Variants in HSD17B12 observed in about 807,000 individuals in gnomAD.
HSD17B12 encodes the protein very-long-chain 3-oxoacyl-CoA reductase.
In HSD17B12, 32 loss-of-function variants were observed where a neutral mutation model predicts 39.3. The ratio of observed to expected loss-of-function variants is 0.81; its 90% CI spans 0.61 to 1.09. The LOEUF (loss-of-function observed/expected upper bound fraction) is 1.09, where lower values mean the gene tolerates loss of function less well. Ranked by LOEUF, HSD17B12 falls within the 50% of genes least tolerant of loss-of-function variation. The probability of loss-of-function intolerance (pLI) is 0.00; values close to 1 mark genes in which losing one functional copy is unlikely to be tolerated. For synonymous variants in HSD17B12, 150 were observed against 146.7 expected (o/e 1.02, Z -0.16); for missense variants, 342 against 382.9 (o/e 0.89, Z 0.89).
chr11:43,616,441 A>G, the HSD17B12 span, among the ~76,000 whole-genome samples: 4 of 151,108 alleles, frequency 2.6e-5, no homozygotes, highest in Non-Finnish European at 4.4e-5. Flanking sequence ...AAAAACAAAC[A>G]AACTATATTC....
intron 1 of HSD17B12, among the ~76,000 whole-genome samples, chr11:43,706,191 GTTTATC>G (rs150057085): frequency 0.053 from 8,125 of 152,090 alleles, 276 homozygotes; most frequent in Non-Finnish European, 0.079. Flanking sequence ...GACAGAGATT[GTTTATC>G]TTTAATAGCA....
chr11:43,575,224 T>C, the HSD17B12 span, among the ~76,000 whole-genome samples: 1 of 152,258 alleles, frequency 6.6e-6, no homozygotes, highest in Non-Finnish European at 1.5e-5. The surrounding 1 kb of genome is among the most constrained non-coding windows in gnomAD (Gnocchi z 4.1). Context: ...GCTGTATAAC[T>C]GGCTGATTCC....
intron 1 of HSD17B12, among the ~76,000 whole-genome samples, chr11:43,720,600 T>G (rs1222547796): frequency 1.3e-5 from 2 of 152,160 alleles, no homozygotes; most frequent in Non-Finnish European, 2.9e-5. Flanking sequence ...CTTAAGCAAG[T>G]CAATCAAAGC....
intron 1 of HSD17B12, among the ~76,000 whole-genome samples, chr11:43,739,151 C>CTTT (rs1418357698): frequency 6.6e-6 from 1 of 152,146 alleles, no homozygotes; most frequent in African/African-American, 2.4e-5. Flanking sequence ...ACCCTAAGGG[C>CTTT]TTTTCCCCCT....
At chr11:43,592,700 G>A in the HSD17B12 span, among the ~76,000 whole-genome samples, 1 of 152,132 alleles carries the variant, frequency 6.6e-6, no homozygotes, top group African/African-American at 2.4e-5. Flanking sequence ...GAATACACGG[G>A]TCTTTTTCCA....
Position 43,838,412 on chromosome 11 carries a change from T to A in HSD17B12, c.618+14T>A, listed in dbSNP as rs755003842. 1.9e-6 allele frequency: 3 copies of A among 1,581,390 alleles called. No homozygotes were observed. Among genetic ancestry groups the A allele is most frequent in the Non-Finnish European group, 2.6e-6 (3 of 1,150,594 alleles). ...TCTGCAACCAAGGTAAAAAATATTT[T>A]CTTAAATCATGTCAATATAGTAATA... On this transcript the variant is annotated intron_variant, in intron 8 of 10. Coordinates refer to ENST00000278353, the MANE Select transcript of HSD17B12 (RefSeq NM_016142.3).
the HSD17B12 span, among the ~76,000 whole-genome samples, chr11:43,638,538 CTTATT>C: frequency 2.0e-5 from 3 of 152,054 alleles, no homozygotes; most frequent in South Asian, 2.1e-4. Context: ...AAAGAAAACT[CTTATT>C]TTATTATTTC....
At chr11:43,634,774 G>A in the HSD17B12 span, among the ~76,000 whole-genome samples, 1 of 152,192 alleles carries the variant, frequency 6.6e-6, no homozygotes, top group East Asian at 1.9e-4. Context: ...GCAGTTCAGC[G>A]AGGATATTAA....
the HSD17B12 span, among the ~76,000 whole-genome samples, chr11:43,675,055 CA>C: frequency 6.6e-6 from 1 of 152,160 alleles, no homozygotes. Flanking sequence ...GTATTTATTG[CA>C]TACCAAGTGT....
At chr11:43,658,768 G>A in the HSD17B12 span, among the ~76,000 whole-genome samples, 3 of 152,282 alleles carry the variant, frequency 2.0e-5, no homozygotes, top group South Asian at 2.1e-4. Context: ...TGTCTCAGAC[G>A]AGTACCCGGC....
chr11:43,641,228 TG>T, the HSD17B12 span, among the ~76,000 whole-genome samples: 1 of 24,444 alleles, frequency 4.1e-5, no homozygotes, highest in African/African-American at 5.5e-5. Flanking sequence ...ATTAATTTGT[TG>T]GGGAAAAAAT....
At chr11:43,770,481 G>A (rs775220908) in intron 3 of HSD17B12, among the ~76,000 whole-genome samples, 5 of 152,302 alleles carry the variant, frequency 3.3e-5, no homozygotes, top group African/African-American at 4.8e-5. Context: ...TAATTCCAGC[G>A]CTTGAGAAGG....
the HSD17B12 span, among the ~76,000 whole-genome samples, chr11:43,588,824 G>C: frequency 6.6e-6 from 1 of 151,606 alleles, no homozygotes; most frequent in Non-Finnish European, 1.5e-5. Flanking sequence ...AAATCAGAAG[G>C]GTTGATAGAA....
intron 6 of HSD17B12, chr11:43,830,086 C>T (rs896150449): frequency 4.6e-5 from 7 of 152,134 alleles, no homozygotes; most frequent in Admixed American, 1.3e-4. Context: ...ACAAAATTCC[C>T]TTCTCATCAG....
At chr11:43,676,729 G>A (rs1949697570), upstream of HSD17B12, among the ~76,000 whole-genome samples, 1 of 152,172 alleles carries the variant, frequency 6.6e-6, no homozygotes, top group Admixed American at 6.5e-5. Context: ...TAGGTACCAG[G>A]CACTGTTTTA....
At chr11:43,748,914 T>C (rs1950441051) in intron 1 of HSD17B12, among the ~76,000 whole-genome samples, 2 of 152,222 alleles carry the variant, frequency 1.3e-5, no homozygotes, top group South Asian at 4.1e-4. Flanking sequence ...AATTTGTCTC[T>C]GGAAATATTC....
chr11:43,563,123 A>G, the HSD17B12 span, among the ~76,000 whole-genome samples: 1 of 152,234 alleles, frequency 6.6e-6, no homozygotes, highest in African/African-American at 2.4e-5. Flanking sequence ...GACAGAAGAA[A>G]GTAATCCCTT....
the HSD17B12 span, among the ~76,000 whole-genome samples, chr11:43,595,390 G>A: frequency 1.3e-5 from 2 of 152,246 alleles, no homozygotes; most frequent in African/African-American, 4.8e-5. Context: ...CAGCTGGTAA[G>A]TGATATACTT....
At chr11:43,665,087 A>G in the HSD17B12 span, among the ~76,000 whole-genome samples, 1 of 152,214 alleles carries the variant, frequency 6.6e-6, no homozygotes, top group Non-Finnish European at 1.5e-5. Context: ...ATGATAATGT[A>G]ATACATAATA....
Sources: allele counts gnomAD v4.1 joint callset (sites outside exome capture counted in the v4.1 genomes callset), GRCh38; gene constraint gnomAD v4.1.1; non-coding constraint Gnocchi (gnomAD v3.1); transcripts MANE v1.5; gene names NCBI Gene and HGNC (gene_info 2026-07-23, HGNC 2026-07-21).